Variants in NOTCH3 observed in about 807,000 individuals in gnomAD.
NOTCH3 encodes the protein neurogenic locus notch homolog protein 3.
Under a neutral mutation model 213.3 loss-of-function variants are expected in NOTCH3, and 86 were observed. The observed-to-expected ratio is 0.40, with a 90% CI of 0.34 to 0.48. The LOEUF (loss-of-function observed/expected upper bound fraction) is 0.48, where lower values mean the gene tolerates loss of function less well. Ranked by LOEUF, NOTCH3 falls within the 20% of genes least tolerant of loss-of-function variation. The probability of loss-of-function intolerance (pLI) is 0.57; values close to 1 mark genes in which losing one functional copy is unlikely to be tolerated. For missense variants in NOTCH3, 2,783 were observed against 3,272.6 expected, an observed-to-expected ratio of 0.85 and a Z score of 3.65; for synonymous variants, 1,354 against 1,355.9, an observed-to-expected ratio of 1.00 and a Z score of 0.03.
At position 15,189,364 on chromosome 19, in the gene NOTCH3, G is replaced by A. The variant is rs1041839032; in HGVS notation, c.1101C>T (p.Asp367=). Residue 367 remains aspartate, a synonymous_variant, in exon 7 of 33, where the codon GAC becomes GAT. Coordinates refer to ENST00000263388, the MANE Select transcript of NOTCH3 (RefSeq NM_000435.3). Reference sequence around the variant, plus strand: ...TGGCCCGGCCGTTCACCGGATTTGTGTCACAGATAGCATCCTCGTGGCAGG... The same window carrying A: ...TGGCCCGGCCGTTCACCGGATTTGTATCACAGATAGCATCCTCGTGGCAGG... ...SNPCHEDAIC[D]TNPVNGRAIC... is the part of the protein sequence containing the mutation. The A allele has an allele frequency of 1.6e-5, 26 of 1,614,006 alleles. No homozygotes were observed. The highest frequency in any genetic ancestry group is 2.1e-5 in the Non-Finnish European group (25 of 1,180,052).
At chr19:15,173,545 C>T (rs1047703065) in intron 25 of NOTCH3, among the ~76,000 whole-genome samples, 1 of 151,568 alleles carries the variant, frequency 6.6e-6, no homozygotes, top group Non-Finnish European at 1.5e-5. Context: ...TATATTGTGC[C>T]CGGCTTTATC....
intron 1 of NOTCH3, among the ~76,000 whole-genome samples, chr19:15,200,309 G>A (rs1385279522): frequency 6.6e-6 from 1 of 151,450 alleles, no homozygotes; most frequent in Non-Finnish European, 1.5e-5. Context: ...TCCGAGTTCA[G>A]AGCTCCCAGA....
At chr19:15,199,242 T>A (rs2046992550) in intron 1 of NOTCH3, among the ~76,000 whole-genome samples, 1 of 152,166 alleles carries the variant, frequency 6.6e-6, no homozygotes, top group African/African-American at 2.4e-5. Context: ...TGTACATGCA[T>A]GTCAGCGTGG....
At position 15,170,149 on chromosome 19, in the gene NOTCH3, G is replaced by C. The variant is rs1360797131; in HGVS notation, c.5136C>G (p.Ser1712Arg). 3.1e-6 allele frequency: 5 copies of C among 1,605,352 alleles called. No individual in the cohort carries two copies. The highest frequency in any genetic ancestry group is 3.4e-6 in the Non-Finnish European group (4 of 1,175,734). Residue 1712 changes from serine (S) to arginine (R), a missense_variant, in exon 28 of 33, where the codon AGC becomes AGG. Around this residue, in one of 6 missense-constraint regions of NOTCH3, gnomAD observed 636 missense variants for 801.8 expected, o/e 0.79. Coordinates refer to ENST00000263388, the MANE Select transcript of NOTCH3 (RefSeq NM_000435.3). ...AGTCTGTGGCCACCTCCCCCATCAG[G>C]CTCTCACCCTTGGCCATGTTCCTGG... ...LGMKNMAKGE[S>R]LMGEVATDWM... is the part of the protein sequence containing the mutation.
chr19:15,197,801 G>A lies in NOTCH3; in HGVS notation c.119-223C>T, dbSNP rs577236260. On this transcript the variant is annotated intron_variant, in intron 1 of 32. Coordinates refer to ENST00000263388, the MANE Select transcript of NOTCH3 (RefSeq NM_000435.3). ...GCTGTCCCTGCCAGCTCGAGCCCTG[G>A]GAACCACAAAGCAGGGGAAGGCAGG... is the stretch of plus-strand genomic sequence containing the variant. 2.2e-3 allele frequency among the ~76,000 whole-genome samples: 296 copies of A among 133,350 alleles called. 1 individual carries two copies. Among genetic ancestry groups the A allele is most frequent in the Non-Finnish European group, 2.7e-3 (171 of 63,872 alleles). 87.5% of individuals were successfully genotyped at this position (133,350 alleles called of 152,430 possible).
In NOTCH3 at chr19:15,174,332, T is replaced by C. The variant is rs2145409259; in HGVS notation, c.4472A>G (p.Glu1491Gly). 1.3e-6 allele frequency: 2 copies of C among 1,552,886 alleles called. No individual in the cohort carries two copies. The highest frequency in any genetic ancestry group is 2.4e-5 in the East Asian group (1 of 41,128). Residue 1491 changes from glutamate (E) to glycine (G), a missense_variant, in exon 25 of 33, where the codon GAG becomes GGG. By Grantham distance (98) the Glu-to-Gly change is moderately conservative. Coordinates refer to ENST00000263388, the MANE Select transcript of NOTCH3 (RefSeq NM_000435.3). The stretch of plus-strand genomic sequence containing the variant: ...ATCCAGCCCATCCCAGCCGCACTCC[T>C]CCGTGTTGCAGCCCTGGTCGCAGCG... The part of the protein sequence containing the change: ...DGRCDQGCNT[E>G]ECGWDGLDCA...
At chr19:15,182,327 C>A (rs1481507514) in intron 16 of NOTCH3, among the ~76,000 whole-genome samples, 1 of 151,924 alleles carries the variant, frequency 6.6e-6, no homozygotes, top group African/African-American at 2.4e-5. Flanking sequence ...GGCAACATGG[C>A]AAGACCCCAT....
chr19:15,174,343 G>T lies in NOTCH3; in HGVS notation c.4461C>A (p.Gly1487=). Reference sequence around the variant, plus strand: ...CCCAGCCGCACTCCTCCGTGTTGCAGCCCTGGTCGCAGCGGCCGTCGGCAA... The same window carrying T: ...CCCAGCCGCACTCCTCCGTGTTGCATCCCTGGTCGCAGCGGCCGTCGGCAA... ...DHFADGRCDQ[G]CNTEECGWDG... is the part of the protein sequence containing the mutation. The change falls in exon 25 of 33, where the codon GGC becomes GGA. Residue 1487 remains glycine, a synonymous_variant. Transcript: ENST00000263388. The T allele has an allele frequency of 6.5e-7, 1 of 1,549,320 alleles. No individual in the cohort carries two copies. Among genetic ancestry groups the T allele is most frequent in the Non-Finnish European group, 8.7e-7 (1 of 1,145,728 alleles).
intron 29 of NOTCH3, 95 bp from the exon 30 acceptor site, chr19:15,166,186 A>T: frequency 9.4e-7 from 1 of 1,060,926 alleles, no homozygotes; most frequent in Non-Finnish European, 1.4e-6. Context: ...AATGGGACAC[A>T]TGGAAAAATG....
chr19:15,182,785 G>C (rs2046851138), intron 16 of NOTCH3, among the ~76,000 whole-genome samples: 1 of 151,988 alleles, frequency 6.6e-6, no homozygotes, highest in African/African-American at 2.4e-5. Flanking sequence ...TGAGATTACA[G>C]GCATGTGCCA....
At chr19:15,164,348 T>C (rs1210905651) in intron 31 of NOTCH3, among the ~76,000 whole-genome samples, 4 of 152,074 alleles carry the variant, frequency 2.6e-5, no homozygotes, top group Non-Finnish European at 5.9e-5. Context: ...GAGGCCAGCC[T>C]GGCCAACATT....
At position 15,184,467 on chromosome 19, in the gene NOTCH3, AG is replaced by A; in HGVS notation, c.2411-18del. ...ATCGTGGGCCTGGGGGTAGGGAGCA[AG>A]GTTACACCTAGGGTTACAGGGTACA... On this transcript the variant is annotated intron_variant, in intron 15 of 32. Coordinates refer to ENST00000263388, the MANE Select transcript of NOTCH3 (RefSeq NM_000435.3). The A allele has an allele frequency of 6.2e-7, 1 of 1,613,316 alleles. No individual in the cohort carries two copies. Among genetic ancestry groups the A allele is most frequent in the Non-Finnish European group, 8.5e-7 (1 of 1,179,596 alleles).
chr19:15,185,190 AGAG>A lies in NOTCH3; in HGVS notation c.2296+64_2296+66del, dbSNP rs1262035076. The A allele has an allele frequency of 2.9e-5, 45 of 1,565,750 alleles. No homozygotes were observed. Among genetic ancestry groups the A allele is most frequent in the Middle Eastern group, 3.5e-4 (2 of 5,770 alleles). ...AGCTAACATAGCGGGAGGAGAGAGT[AGAG>A]GAGAAGAGAGATGAGAAGGCCCATG... On this transcript the variant is annotated intron_variant, in intron 14 of 32. Transcript: ENST00000263388. The surrounding 1 kb of genome is among the most constrained non-coding windows in gnomAD (Gnocchi z 4.2).
chr19:15,176,373 G>C (rs1355437742), intron 24 of NOTCH3, among the ~76,000 whole-genome samples: 2 of 151,904 alleles, frequency 1.3e-5, no homozygotes, highest in Non-Finnish European at 2.9e-5. Context: ...TCACCATGTT[G>C]CCCAAGCTCA....
rs2046933431 is a variant in NOTCH3, at chr19:15,192,156, C to G, written c.483G>C (p.Glu161Asp). The G allele has an allele frequency of 1.9e-6, 3 of 1,612,752 alleles. No homozygotes were observed. The highest frequency in any genetic ancestry group is 2.5e-6 in the Non-Finnish European group (3 of 1,179,934). Reference sequence around the variant, plus strand: ...GGCGGCAGGGCTCACCCACCCGGCACTCATCCACGTCGCTTCGGCAGCTGC... The same window carrying G: ...GGCGGCAGGGCTCACCCACCCGGCAGTCATCCACGTCGCTTCGGCAGCTGC... ...QGRSCRSDVDECRVGEPCRHG... is the reference protein window; with the variant it reads ...QGRSCRSDVDDCRVGEPCRHG... Residue 161 changes from glutamate to aspartate, a missense_variant, in exon 4 of 33, where the codon GAG (glutamate) becomes GAC (aspartate). By Grantham distance (45) the Glu-to-Asp change is conservative. Transcript: ENST00000263388.
At position 15,185,366 on chromosome 19, in the gene NOTCH3, G is replaced by A. The variant is rs760081167; in HGVS notation, c.2187C>T (p.Cys729=). 2 of 1,612,410 alleles carry A rather than the reference G, an allele frequency of 1.2e-6. No individual in the cohort carries two copies. Among genetic ancestry groups the A allele is most frequent in the Non-Finnish European group, 1.7e-6 (2 of 1,179,722 alleles). Reference sequence around the variant, plus strand: ...AGGCGTCTCGGGCCAGGCTCTGGCTGCAGCGGGGGCCACTCCAGCCAGGCT... The same window carrying A: ...AGGCGTCTCGGGCCAGGCTCTGGCTACAGCGGGGGCCACTCCAGCCAGGCT... ...VCEPGWSGPR[C]SQSLARDACE... Residue 729 remains cysteine, a synonymous_variant, in exon 14 of 33, where the codon TGC becomes TGT. Transcript: ENST00000263388. The surrounding 1 kb of genome is among the most constrained non-coding windows in gnomAD (Gnocchi z 4.2).
chr19:15,162,669 G>C (rs1281444872), intron 31 of NOTCH3, 107 bp from the exon 32 acceptor site: 8 of 796,240 alleles, frequency 1.0e-5, no homozygotes, highest in Non-Finnish European at 1.3e-5. Flanking sequence ...GAGGAGGCAG[G>C]CCTGCCGTGA....
intron 28 of NOTCH3, 142 bp from the exon 29 acceptor site, chr19:15,167,553 T>C (rs1599366896): frequency 1.5e-6 from 1 of 667,518 alleles, no homozygotes; most frequent in East Asian, 2.9e-5. Flanking sequence ...ACCATCTGTT[T>C]GGTGTTTTAT....
intron 2 of NOTCH3, among the ~76,000 whole-genome samples, chr19:15,195,759 G>T (rs1030210951): frequency 3.3e-5 from 5 of 151,582 alleles, no homozygotes; most frequent in Non-Finnish European, 5.9e-5. Flanking sequence ...AGGATAGCTG[G>T]TCCCACCGCC....
Sources: gnomAD v4.1 joint callset for allele counts (sites outside exome capture counted in the v4.1 genomes callset) on GRCh38, gnomAD v4.1.1 for gene constraint, gnomAD v4.1.1 regional missense constraint, Gnocchi (gnomAD v3.1) non-coding constraint, MANE v1.5 for transcripts, NCBI Gene and HGNC (gene_info 2026-07-23, HGNC 2026-07-21) for gene names.